The following MAN1C1 variants were observed in gnomAD, a reference collection of about 807,000 sequenced individuals.
MAN1C1 encodes the protein mannosidase alpha class 1C member 1, also known as mannosyl-oligosaccharide 1,2-alpha-mannosidase IC.
Under a neutral mutation model 71.5 loss-of-function variants are expected in MAN1C1, and 49 were observed. The ratio of observed to expected loss-of-function variants is 0.69; its 90% CI spans 0.54 to 0.87. The LOEUF (loss-of-function observed/expected upper bound fraction) is 0.87. Among genes scored for constraint, MAN1C1 ranks in the 40% least tolerant of loss-of-function variants. The probability of loss-of-function intolerance (pLI) is 0.00; values close to 1 mark genes in which losing one functional copy is unlikely to be tolerated. For synonymous variants in MAN1C1, 352 were observed against 343.7 expected (o/e 1.02, Z -0.27); for missense variants, 743 against 835.0 (o/e 0.89, Z 1.36).
In MAN1C1 at chr1:25,753,849, C is replaced by T. The variant is rs891559179; in HGVS notation, c.929+271C>T. On this transcript the variant is annotated intron_variant, in intron 5 of 11. Transcript: ENST00000374332. This position sits in a 1 kb window ranked among gnomAD's most constrained non-coding sequence, Gnocchi z 4.9. Reference sequence around the variant, plus strand: ...CCCTGGACAGGTGTTTGTCACCAAACCTGGGTGTCAGGGTTTAGTCCACAT... The same window carrying T: ...CCCTGGACAGGTGTTTGTCACCAAATCTGGGTGTCAGGGTTTAGTCCACAT... Among the ~76,000 whole-genome samples, 14 of 152,202 alleles carry T rather than the reference C, an allele frequency of 9.2e-5. No homozygotes were observed. Among genetic ancestry groups the T allele is most frequent in the Non-Finnish European group, 1.8e-4 (12 of 68,010 alleles).
intron 1 of MAN1C1, chr1:25,644,497 C>CATATATATATATATATATATAT (rs1204408970): frequency 5.0e-5 from 4 of 80,138 alleles, no homozygotes; most frequent in African/African-American, 2.7e-4. Flanking sequence ...GTACCAGAGA[C>CATATATATATATATATATATAT]ATATATATAT....
At chr1:25,666,429 G>A (rs1267900022) in intron 1 of MAN1C1, among the ~76,000 whole-genome samples, 1 of 152,152 alleles carries the variant, frequency 6.6e-6, no homozygotes, top group Non-Finnish European at 1.5e-5. Context: ...GAGAGCAAAC[G>A]GTAGCACACA....
chr1:25,681,449 C>A (rs1235297340), intron 1 of MAN1C1, among the ~76,000 whole-genome samples: 2 of 152,106 alleles, frequency 1.3e-5, no homozygotes, highest in African/African-American at 4.8e-5. Context: ...CAGCATTCCA[C>A]ACTCCAGAAG....
At chr1:25,619,535 T>G (rs2045173602) in intron 1 of MAN1C1, among the ~76,000 whole-genome samples, 1 of 152,178 alleles carries the variant, frequency 6.6e-6, no homozygotes, top group Non-Finnish European at 1.5e-5. Flanking sequence ...TCTCTTCCAC[T>G]TCTTATCTTT....
At chr1:25,669,775 ACT>A (rs955824914) in intron 1 of MAN1C1, among the ~76,000 whole-genome samples, 5 of 152,032 alleles carry the variant, frequency 3.3e-5, no homozygotes, top group African/African-American at 9.7e-5. Flanking sequence ...ACAGAGCAAG[ACT>A]CTGTCTCTAA....
chr1:25,742,303 A>C (rs913234589), intron 2 of MAN1C1, among the ~76,000 whole-genome samples: 12 of 152,174 alleles, frequency 7.9e-5, no homozygotes, highest in African/African-American at 2.7e-4. Flanking sequence ...ATCTGGCTTT[A>C]GAGTGAATAA....
rs1023233322 is a variant in MAN1C1, at chr1:25,746,848, A to G, written c.753+65A>G. The G allele has an allele frequency of 4.5e-6, 5 of 1,099,784 alleles. No individual in the cohort carries two copies. Among genetic ancestry groups the G allele is most frequent in the Non-Finnish European group, 6.7e-6 (5 of 748,908 alleles). The allele number at this position is 1,099,784 out of a possible 1,614,324, so 68.1% of individuals were successfully genotyped here. A position where few individuals can be genotyped will look rare whatever the true frequency, so the allele number is the denominator to read the frequency against. On this transcript the variant is annotated intron_variant, in intron 3 of 11. Coordinates refer to ENST00000374332, the MANE Select transcript of MAN1C1 (RefSeq NM_020379.4). This position sits in a 1 kb window ranked among gnomAD's most constrained non-coding sequence, Gnocchi z 4.0. ...CAGAAGAGGCCCAACAGCCAGCTTCACCCTGTCATCTCTGAGACCCAGAGA... is the reference window on the plus strand; with the variant it reads ...CAGAAGAGGCCCAACAGCCAGCTTCGCCCTGTCATCTCTGAGACCCAGAGA...
chr1:25,741,407 G>A (rs1306600292), intron 2 of MAN1C1, among the ~76,000 whole-genome samples: 1 of 152,180 alleles, frequency 6.6e-6, no homozygotes, highest in Non-Finnish European at 1.5e-5. Flanking sequence ...CAGGAGACTG[G>A]GAAGAAGCCA....
At chr1:25,643,592 A>ATTAT (rs2045569102) in intron 1 of MAN1C1, among the ~76,000 whole-genome samples, 1 of 141,672 alleles carries the variant, frequency 7.1e-6, no homozygotes, top group African/African-American at 2.6e-5. Context: ...TATATTTATT[A>ATTAT]TTATTATTAT....
rs769334572 is a variant in MAN1C1, at chr1:25,764,171, C to T, written c.1141+204C>T. On this transcript the variant is annotated intron_variant, in intron 7 of 11. Coordinates refer to ENST00000374332, the MANE Select transcript of MAN1C1 (RefSeq NM_020379.4). This position sits in a 1 kb window ranked among gnomAD's most constrained non-coding sequence, Gnocchi z 4.4. The stretch of plus-strand genomic sequence containing the variant: ...CTGTGGTTGTCTGCTGCTGCAGTGC[C>T]GGATGTGATGGCTGCTGTTTACTGA... Among the ~76,000 whole-genome samples, 2 of 152,290 alleles carry T rather than the reference C, an allele frequency of 1.3e-5. No individual in the cohort carries two copies. The highest frequency in any genetic ancestry group is 2.9e-5 in the Non-Finnish European group (2 of 68,034).
intron 2 of MAN1C1, among the ~76,000 whole-genome samples, chr1:25,698,676 G>C (rs1415043920): frequency 6.6e-6 from 1 of 152,152 alleles, no homozygotes; most frequent in Non-Finnish European, 1.5e-5. Flanking sequence ...CTGGGGCCGG[G>C]TGCAGTGGTT....
intron 4 of MAN1C1, among the ~76,000 whole-genome samples, chr1:25,750,557 T>TC (rs1404272986): frequency 6.6e-6 from 1 of 152,144 alleles, no homozygotes; most frequent in African/African-American, 2.4e-5. Flanking sequence ...CCGCTTCCCT[T>TC]CATCTGTGAA....
intron 1 of MAN1C1, among the ~76,000 whole-genome samples, chr1:25,661,462 C>T (rs899313153): frequency 6.6e-6 from 1 of 152,218 alleles, no homozygotes; most frequent in African/African-American, 2.4e-5. Context: ...ACTCTTCCCT[C>T]TTTTCCCCAG....
At chr1:25,638,115 C>T (rs2045488800) in intron 1 of MAN1C1, among the ~76,000 whole-genome samples, 1 of 151,644 alleles carries the variant, frequency 6.6e-6, no homozygotes, top group African/African-American at 2.4e-5. Flanking sequence ...TTCGTTTTTC[C>T]TTTTCATGCC....
chr1:25,744,437 C>T (rs950228710), intron 2 of MAN1C1, among the ~76,000 whole-genome samples: 16 of 152,172 alleles, frequency 1.1e-4, no homozygotes, highest in Non-Finnish European at 1.6e-4. Flanking sequence ...CATCCCAGGA[C>T]GCAGTGCTGG....
intron 8 of MAN1C1, among the ~76,000 whole-genome samples, chr1:25,774,798 A>G (rs1025035519): frequency 6.6e-6 from 1 of 150,556 alleles, no homozygotes; most frequent in South Asian, 2.1e-4. Flanking sequence ...CACAAGGAAC[A>G]GCACAAATAT....
chr1:25,663,641 C>T lies in MAN1C1; in HGVS notation c.541-22799C>T, dbSNP rs144095966. On this transcript the variant is annotated intron_variant, in intron 1 of 11. Transcript: ENST00000374332. ...TGCAGATATGGGGGGATTACTGCATCGGGGATTACTGTGTCGAGGGCACAG... is the reference window on the plus strand; with the variant it reads ...TGCAGATATGGGGGGATTACTGCATTGGGGATTACTGTGTCGAGGGCACAG... Among the ~76,000 whole-genome samples, 675 of 152,140 alleles carry T rather than the reference C, an allele frequency of 4.4e-3. 4 individuals are homozygous for T. The highest frequency in any genetic ancestry group is 0.016 in the African/African-American group (651 of 41,496).
intron 1 of MAN1C1, among the ~76,000 whole-genome samples, chr1:25,684,564 T>A (rs1167603946): frequency 6.6e-6 from 1 of 152,206 alleles, no homozygotes; most frequent in Non-Finnish European, 1.5e-5. Context: ...TGGTGCTAGA[T>A]TATTCTGCCA....
At chr1:25,668,769 A>G (rs2045957557) in intron 1 of MAN1C1, among the ~76,000 whole-genome samples, 2 of 152,064 alleles carry the variant, frequency 1.3e-5, no homozygotes, top group South Asian at 2.1e-4. Context: ...CATGTTAGCC[A>G]GGATGGTCTC....
Sources: gnomAD v4.1 joint callset for allele counts (sites outside exome capture counted in the v4.1 genomes callset) on GRCh38, gnomAD v4.1.1 for gene constraint, Gnocchi (gnomAD v3.1) non-coding constraint, MANE v1.5 for transcripts, NCBI Gene and HGNC (gene_info 2026-07-23, HGNC 2026-07-21) for gene names.